The following RNF180 variants were observed in gnomAD, a reference collection of about 807,000 sequenced individuals.
The protein encoded by RNF180 is E3 ubiquitin-protein ligase RNF180.
A neutral mutation model predicts 59.2 loss-of-function variants in RNF180; 38 were observed. The observed-to-expected ratio is 0.64, with a 90% CI of 0.50 to 0.84. The LOEUF (loss-of-function observed/expected upper bound fraction) is 0.84, where lower values mean the gene tolerates loss of function less well. Among genes scored for constraint, RNF180 ranks in the 40% least tolerant of loss-of-function variants. The probability of loss-of-function intolerance (pLI) is 0.00; values close to 1 mark genes in which losing one functional copy is unlikely to be tolerated. For missense variants in RNF180, 705 were observed against 700.9 expected (o/e 1.01, Z -0.07); for synonymous variants, 262 against 240.3 (o/e 1.09, Z -0.84).
intron 5 of RNF180, among the ~76,000 whole-genome samples, chr5:64,239,201 C>A (rs1197818337): frequency 6.6e-6 from 1 of 152,118 alleles, no homozygotes; most frequent in African/African-American, 2.4e-5. Context: ...TCAGGGCTTG[C>A]TACTCAAGGT....
At chr5:64,263,760 C>T (rs1371565360) in intron 5 of RNF180, among the ~76,000 whole-genome samples, 1 of 152,096 alleles carries the variant, frequency 6.6e-6, no homozygotes, top group Non-Finnish European at 1.5e-5. Context: ...AACTCAAAAA[C>T]TAGAACAGCC....
intron 5 of RNF180, among the ~76,000 whole-genome samples, chr5:64,258,437 A>G (rs948474795): frequency 6.6e-6 from 1 of 152,196 alleles, no homozygotes; most frequent in African/African-American, 2.4e-5. Context: ...CAATAAAATG[A>G]TATGATGCAT....
intron 1 of RNF180, among the ~76,000 whole-genome samples, chr5:64,198,181 T>C (rs552387685): frequency 2.0e-5 from 3 of 152,324 alleles, no homozygotes; most frequent in African/African-American, 7.2e-5. Context: ...CTTAAAAATA[T>C]TGAGATATTT....
intron 5 of RNF180, among the ~76,000 whole-genome samples, chr5:64,275,643 C>T (rs62369364): frequency 0.28 from 42,709 of 151,518 alleles, 6,208 homozygotes; most frequent in African/African-American, 0.34. Flanking sequence ...GAAACTAAGT[C>T]TTAATAAATA....
intron 1 of RNF180, among the ~76,000 whole-genome samples, chr5:64,185,367 G>A (rs371850512): frequency 6.6e-6 from 1 of 152,038 alleles, no homozygotes; most frequent in East Asian, 1.9e-4. Context: ...AAAAAGTACT[G>A]CTTTATCTCA....
At chr5:64,186,071 C>G (rs1257837870) in intron 1 of RNF180, among the ~76,000 whole-genome samples, 1 of 152,088 alleles carries the variant, frequency 6.6e-6, no homozygotes, top group Non-Finnish European at 1.5e-5. Flanking sequence ...TCTCCATTAT[C>G]TGGCAATTTT....
intron 6 of RNF180, among the ~76,000 whole-genome samples, chr5:64,326,259 TA>T (rs200506742): frequency 0.021 from 3,148 of 149,830 alleles, 49 homozygotes; most frequent in Non-Finnish European, 0.028. Context: ...TTTATTCTGG[TA>T]AAAAAAAAAT....
chr5:64,192,807 C>T (rs1751227252), intron 1 of RNF180, among the ~76,000 whole-genome samples: 2 of 150,292 alleles, frequency 1.3e-5, no homozygotes, highest in African/African-American at 4.9e-5. Flanking sequence ...TAATTGCATC[C>T]TCATGTTCAT....
Position 64,336,324 on chromosome 5 carries a change from G to A in RNF180, c.1579+5918G>A, listed in dbSNP as rs374427490. ...TTTAGATCCATCCAAGTGGTTATGCGTACCTCTAATCTGTGACTTCTAATT... is the reference window on the plus strand; with the variant it reads ...TTTAGATCCATCCAAGTGGTTATGCATACCTCTAATCTGTGACTTCTAATT... On this transcript the variant is annotated intron_variant, in intron 7 of 7. Coordinates refer to ENST00000389100, the MANE Select transcript of RNF180 (RefSeq NM_001113561.2). 3.0e-4 allele frequency among the ~76,000 whole-genome samples: 46 copies of A among 152,162 alleles called. 1 individual carries two copies. In the South Asian group the frequency reaches 8.7e-3, roughly 29 times the overall value.
At chr5:64,294,749 A>G (rs2015822) in intron 5 of RNF180, among the ~76,000 whole-genome samples, 2,995 of 152,298 alleles carry the variant, frequency 0.02, 42 homozygotes, top group Non-Finnish European at 0.03. Flanking sequence ...GTCATAGTTC[A>G]TTACTGATGA....
chr5:64,236,380 C>G (rs752110816), intron 5 of RNF180, among the ~76,000 whole-genome samples: 17 of 152,146 alleles, frequency 1.1e-4, no homozygotes, highest in Non-Finnish European at 2.2e-4. Context: ...TTCGAAGCAG[C>G]AAAGCATTCA....
At chr5:64,277,538 G>T (rs1399215728) in intron 5 of RNF180, among the ~76,000 whole-genome samples, 8 of 152,092 alleles carry the variant, frequency 5.3e-5, no homozygotes, top group Admixed American at 2.0e-4. Context: ...GGGCTGGGCA[G>T]GTGGGATGGA....
At chr5:64,213,499 T>A (rs559542003) in intron 3 of RNF180, 59 bp from the exon 4 acceptor site, 25 of 1,492,802 alleles carry the variant, frequency 1.7e-5, no homozygotes, top group African/African-American at 2.8e-5. Context: ...GAAAAAAAAA[T>A]TTCTCTTCAG....
chr5:64,253,230 T>C (rs966232147), intron 5 of RNF180, among the ~76,000 whole-genome samples: 2 of 152,186 alleles, frequency 1.3e-5, no homozygotes, highest in Non-Finnish European at 2.9e-5. Flanking sequence ...TATGAAGCTA[T>C]GAACCTTCAT....
At chr5:64,288,170 AT>A (rs1742386984) in intron 5 of RNF180, among the ~76,000 whole-genome samples, 1 of 152,070 alleles carries the variant, frequency 6.6e-6, no homozygotes, top group South Asian at 2.1e-4. Flanking sequence ...TCCTTTCCCC[AT>A]TGTTTGTTTT....
intron 5 of RNF180, among the ~76,000 whole-genome samples, chr5:64,227,948 T>C (rs1200868594): frequency 1.3e-5 from 2 of 152,306 alleles, no homozygotes; most frequent in East Asian, 3.9e-4. Flanking sequence ...AGTCACTTGC[T>C]GGTAGTGCTT....
intron 5 of RNF180, among the ~76,000 whole-genome samples, chr5:64,254,263 A>T (rs1248610937): frequency 6.6e-6 from 1 of 152,164 alleles, no homozygotes; most frequent in African/African-American, 2.4e-5. Flanking sequence ...CAATGTTGGA[A>T]TGCTGACAAA....
At chr5:64,225,825 G>T (rs144396014) in intron 5 of RNF180, among the ~76,000 whole-genome samples, 1 of 143,840 alleles carries the variant, frequency 7.0e-6, no homozygotes, top group African/African-American at 2.6e-5. Flanking sequence ...CTGCCCGGCC[G>T]CCCCGTCTGG....
chr5:64,321,337 A>G (rs1417873638), intron 5 of RNF180, among the ~76,000 whole-genome samples: 1 of 152,198 alleles, frequency 6.6e-6, no homozygotes, highest in Non-Finnish European at 1.5e-5. Flanking sequence ...TCAGTATACA[A>G]AATCAATGTG....
Sources: gnomAD v4.1 joint callset for allele counts (sites outside exome capture counted in the v4.1 genomes callset) on GRCh38, gnomAD v4.1.1 for gene constraint, MANE v1.5 for transcripts, NCBI Gene and HGNC (gene_info 2026-07-23, HGNC 2026-07-21) for gene names.